The following SPAST variants were observed in gnomAD, a reference collection of about 807,000 sequenced individuals.
The protein encoded by SPAST is spastic paraplegia 4 (autosomal dominant; spastin).
SPAST carries 30 observed loss-of-function variants against 76.6 expected under a neutral mutation model. The ratio of observed to expected loss-of-function variants is 0.39; its 90% confidence interval spans 0.29 to 0.53. SPAST has a LOEUF of 0.53. SPAST is among the 20% of genes least tolerant of loss of function. The pLI, the probability that SPAST is intolerant of heterozygous loss-of-function variation, is 0.68. For synonymous variants in SPAST, 305 were observed against 281.0 expected (o/e 1.09, Z -0.86); for missense variants, 717 against 770.5 (o/e 0.93, Z 0.82).
At chr2:32,088,556 A>C (rs935879419) in intron 2 of SPAST, among the ~76,000 whole-genome samples, 2 of 152,198 alleles carry the variant, frequency 1.3e-5, no homozygotes, top group Non-Finnish European at 2.9e-5. Flanking sequence ...AGGCAGGAGA[A>C]TTGCTTGGAC....
At chr2:32,097,481 A>G (rs1360530241) in intron 3 of SPAST, among the ~76,000 whole-genome samples, 1 of 152,094 alleles carries the variant, frequency 6.6e-6, no homozygotes, top group African/African-American at 2.4e-5. Flanking sequence ...TTTGTATGCA[A>G]CTGTGCACAT....
chr2:32,089,392 C>T (rs906700511), intron 2 of SPAST, 130 bp from the exon 3 acceptor site: 49 of 604,172 alleles, frequency 8.1e-5, no homozygotes, highest in Non-Finnish European at 1.3e-4. Context: ...TATACATTTT[C>T]TTCTTTTTTT....
At chr2:32,068,385 G>A (rs534437488) in intron 1 of SPAST, among the ~76,000 whole-genome samples, 2 of 150,160 alleles carry the variant, frequency 1.3e-5, no homozygotes, top group African/African-American at 2.5e-5. Context: ...GCAATGGCGC[G>A]ATCTCAGCTC....
intron 16 of SPAST, among the ~76,000 whole-genome samples, chr2:32,151,676 G>A (rs891487864): frequency 1.3e-5 from 2 of 152,082 alleles, no homozygotes; most frequent in Non-Finnish European, 2.9e-5. Flanking sequence ...TTGGGAGGCC[G>A]AGGCAGTTGG....
At chr2:32,152,959 G>A (rs1360490194) in intron 16 of SPAST, among the ~76,000 whole-genome samples, 3 of 152,044 alleles carry the variant, frequency 2.0e-5, no homozygotes, top group East Asian at 1.9e-4. Context: ...TGTTGCCCAG[G>A]CTGGTCTCTA....
intron 4 of SPAST, 91 bp from the exon 5 acceptor site, chr2:32,114,547 T>G: frequency 1.0e-6 from 1 of 968,064 alleles, no homozygotes; most frequent in Non-Finnish European, 1.6e-6. Context: ...ATTAAAAAAA[T>G]ATATTATTAC....
intron 4 of SPAST, among the ~76,000 whole-genome samples, chr2:32,110,207 T>C (rs1467364319): frequency 6.7e-6 from 1 of 148,498 alleles, no homozygotes; most frequent in Non-Finnish European, 1.5e-5. Flanking sequence ...CAACCTCTGC[T>C]TCCCAGGTTC....
chr2:32,071,537 C>G (rs897515926), intron 1 of SPAST, among the ~76,000 whole-genome samples: 1 of 152,108 alleles, frequency 6.6e-6, no homozygotes, highest in African/African-American at 2.4e-5. Flanking sequence ...CCAGTAGATA[C>G]TAAGAACATC....
At chr2:32,075,555 T>TTTC (rs1676925470) in intron 1 of SPAST, among the ~76,000 whole-genome samples, 1 of 135,396 alleles carries the variant, frequency 7.4e-6, no homozygotes, top group Non-Finnish European at 1.6e-5. Context: ...TTCTTTTTTT[T>TTTC]TTTTTTTTTT....
intron 15 of SPAST, among the ~76,000 whole-genome samples, chr2:32,145,805 C>T (rs1000432396): frequency 1.3e-5 from 2 of 152,130 alleles, no homozygotes; most frequent in African/African-American, 2.4e-5. Flanking sequence ...CAGCCAGCAT[C>T]GGTAGTGGAT....
intron 4 of SPAST, among the ~76,000 whole-genome samples, chr2:32,105,646 A>T (rs904319995): frequency 6.6e-6 from 1 of 151,924 alleles, no homozygotes; most frequent in Admixed American, 6.6e-5. Context: ...TTTGGTGTGG[A>T]TGTCCTTTCT....
At chr2:32,140,733 G>A (rs751167816) in intron 12 of SPAST, among the ~76,000 whole-genome samples, 1 of 147,900 alleles carries the variant, frequency 6.8e-6, no homozygotes, top group South Asian at 2.1e-4. Flanking sequence ...CCTCGCCAAC[G>A]TGGCAAAACC....
chr2:32,097,850 C>T (rs1053644373), intron 3 of SPAST, among the ~76,000 whole-genome samples: 17 of 152,070 alleles, frequency 1.1e-4, no homozygotes, highest in Admixed American at 7.9e-4. Context: ...CGTGCCACCA[C>T]GCCCGGATAC....
rs372662419 is a variant in SPAST, at chr2:32,107,126, T to C, written c.683-7512T>C. On this transcript the variant is annotated intron_variant, in intron 4 of 16. Transcript: ENST00000315285. ...CCCACTCCACCCTCCAAAGCAATGT[T>C]CTCTTCCTGCAACCTGTTTGAAAAA... is the stretch of plus-strand genomic sequence containing the variant. Among the ~76,000 whole-genome samples, 23 of 152,218 alleles carry C rather than the reference T, an allele frequency of 1.5e-4. No homozygotes were observed. In the East Asian group the frequency reaches 4.1e-3, roughly 27 times the overall value.
chr2:32,146,007 A>G (rs564824088), intron 15 of SPAST, among the ~76,000 whole-genome samples: 104 of 152,324 alleles, frequency 6.8e-4, no homozygotes, highest in African/African-American at 2.5e-3. Context: ...ACTAGTTAAA[A>G]ATTACCAGTA....
At chr2:32,126,216 T>A (rs1400292946) in intron 7 of SPAST, among the ~76,000 whole-genome samples, 2 of 152,206 alleles carry the variant, frequency 1.3e-5, no homozygotes, top group African/African-American at 4.8e-5. Flanking sequence ...CTTCTTGCAT[T>A]TAGGTATCCC....
chr2:32,080,133 A>AT (rs900835640), intron 1 of SPAST, among the ~76,000 whole-genome samples: 3 of 152,160 alleles, frequency 2.0e-5, no homozygotes, highest in African/African-American at 7.2e-5. Flanking sequence ...ATGAAGTGGT[A>AT]TCTCGTTGTG....
intron 12 of SPAST, among the ~76,000 whole-genome samples, chr2:32,139,725 AG>A (rs1431008285): frequency 2.6e-5 from 4 of 151,634 alleles, no homozygotes; most frequent in African/African-American, 4.8e-5. Flanking sequence ...TCTGCTCGGG[AG>A]GCTGAGGCAG....
intron 1 of SPAST, among the ~76,000 whole-genome samples, chr2:32,083,742 TATATATACTATATATA>T: frequency 3.1e-5 from 2 of 63,572 alleles, no homozygotes; most frequent in African/African-American, 6.2e-5. Flanking sequence ...TATATATATT[TATATATACTATATATA>T]TATATATATA....
Sources: gnomAD v4.1 joint callset for allele counts (sites outside exome capture counted in the v4.1 genomes callset) on GRCh38, gnomAD v4.1.1 for gene constraint, MANE v1.5 for transcripts, NCBI Gene and HGNC (gene_info 2026-07-23, HGNC 2026-07-21) for gene names.